ZZEF1: variants seen among roughly 807,000 people sequenced by gnomAD.
The protein encoded by ZZEF1 is zinc finger ZZ-type and EF-hand domain containing 1, also known as zinc finger ZZ-type and EF-hand domain-containing protein 1.
ZZEF1 carries 157 observed loss-of-function variants against 342.8 expected under a neutral mutation model. That is an observed-to-expected ratio of 0.46 (90% CI 0.40 to 0.52). The LOEUF (loss-of-function observed/expected upper bound fraction) is 0.52. Among genes scored for constraint, ZZEF1 ranks in the 20% least tolerant of loss-of-function variants. The pLI, the probability that ZZEF1 is intolerant of heterozygous loss-of-function variation, is 0.00. For missense variants in ZZEF1, 3,480 were observed against 3,725.6 expected, an observed-to-expected ratio of 0.93 and a Z score of 1.72; for synonymous variants, 1,505 against 1,429.1, an observed-to-expected ratio of 1.05 and a Z score of -1.20.
chr17:4,128,162 A>G (rs965779347), intron 1 of ZZEF1, among the ~76,000 whole-genome samples: 4 of 152,088 alleles, frequency 2.6e-5, no homozygotes, highest in African/African-American at 9.7e-5. Flanking sequence ...CCTGCCCAAC[A>G]TGGTGAAACC....
At chr17:4,041,445 C>A (rs966173630) in intron 39 of ZZEF1, among the ~76,000 whole-genome samples, 6 of 152,076 alleles carry the variant, frequency 3.9e-5, no homozygotes, top group African/African-American at 1.2e-4. Flanking sequence ...TCCTTGGACT[C>A]AAAAATCTGA....
intron 5 of ZZEF1, among the ~76,000 whole-genome samples, chr17:4,110,351 T>C (rs1436337849): frequency 1.3e-5 from 2 of 152,242 alleles, no homozygotes; most frequent in East Asian, 3.9e-4. Flanking sequence ...CTTATTTGGG[T>C]CAGAGGAGAG....
rs1282890773 is a variant in ZZEF1, at chr17:4,034,269, G to A, written c.6330C>T (p.Asp2110=). 1 of 1,614,056 alleles carries A rather than the reference G, an allele frequency of 6.2e-7. No homozygotes were observed. Among genetic ancestry groups the A allele is most frequent in the Non-Finnish European group, 8.5e-7 (1 of 1,180,024 alleles). Residue 2110 remains aspartate, a synonymous_variant, in exon 40 of 55, where the codon GAC becomes GAT. Coordinates refer to ENST00000381638, the MANE Select transcript of ZZEF1 (RefSeq NM_015113.4). ...LKSGPTVPLI[D]LEHVLPLMFQ... is the part of the protein sequence containing the mutation. ...ACATGAGTGGAAGGACGTGCTCCAG[G>A]TCTATCAGGGGAACCGTGGGGCCCT...
Position 4,032,938 on chromosome 17 carries a change from G to A in ZZEF1, c.6649C>T (p.Leu2217=). 1 of 1,611,702 alleles carries A rather than the reference G, an allele frequency of 6.2e-7. No individual in the cohort carries two copies. Among genetic ancestry groups the A allele is most frequent in the Non-Finnish European group, 8.5e-7 (1 of 1,178,902 alleles). ...EILRSLNSAP[L]WRDVIATFTD... ...AAGGTGGCAATGACATCACGCCACA[G>A]TGGGGCACTGTTGAGTGACCGCAGG... Residue 2217 remains leucine (L), a synonymous_variant, in exon 41 of 55, where the codon CTG becomes TTG. Transcript: ENST00000381638.
intron 12 of ZZEF1, 58 bp downstream of exon 12, chr17:4,090,661 T>C: frequency 7.2e-7 from 1 of 1,386,018 alleles, no homozygotes; most frequent in Admixed American, 1.7e-5. Flanking sequence ...ACACAATCAC[T>C]ACTCAAAAAA....
At chr17:4,086,441 G>A (rs181351344) in intron 15 of ZZEF1, 45 bp downstream of exon 15, 10 of 1,600,282 alleles carry the variant, frequency 6.2e-6, no homozygotes, top group Admixed American at 3.4e-5. Flanking sequence ...GGCCCTTCAC[G>A]CTACCTACAC....
chr17:4,078,104 G>T, intron 18 of ZZEF1, 62 bp from the exon 19 acceptor site: 1 of 1,539,926 alleles, frequency 6.5e-7, no homozygotes. Context: ...GCATAGCCAA[G>T]GGCATCCTCT....
chr17:4,134,759 T>C (rs1237652025), intron 1 of ZZEF1, among the ~76,000 whole-genome samples: 2 of 152,008 alleles, frequency 1.3e-5, no homozygotes, highest in East Asian at 3.9e-4. Flanking sequence ...AATTAACCAC[T>C]ATACCATGGG....
chr17:4,082,540 C>G (rs768561258), intron 16 of ZZEF1, 36 bp from the exon 17 acceptor site: 10 of 1,598,192 alleles, frequency 6.3e-6, no homozygotes, highest in Non-Finnish European at 7.7e-6. Flanking sequence ...TTCAGAAAAT[C>G]TAGTCCATGA....
chr17:4,036,778 C>CAT (rs2056674629), intron 39 of ZZEF1, among the ~76,000 whole-genome samples: 1 of 78,412 alleles, frequency 1.3e-5, no homozygotes, highest in African/African-American at 5.2e-5. Flanking sequence ...ATATAGAATA[C>CAT]ACACACACAC....
At chr17:4,007,756 G>A (rs760032569) in intron 54 of ZZEF1, among the ~76,000 whole-genome samples, 1 of 152,182 alleles carries the variant, frequency 6.6e-6, no homozygotes, top group Non-Finnish European at 1.5e-5. Flanking sequence ...GGTATGGGCT[G>A]GGGGCATTTC....
chr17:4,066,346 C>A (rs527490711), intron 28 of ZZEF1, 101 bp downstream of exon 28: 6 of 1,000,290 alleles, frequency 6.0e-6, no homozygotes, highest in Non-Finnish European at 9.4e-6. Flanking sequence ...TAGGTCAACA[C>A]AGCCTCAATT....
Position 4,028,205 on chromosome 17 carries a change from A to G in ZZEF1, c.6893-3087T>C, listed in dbSNP as rs140365957. Among the ~76,000 whole-genome samples, 41 of 152,256 alleles carry G rather than the reference A, an allele frequency of 2.7e-4. 1 individual carries two copies. The East Asian group carries it at 5.6e-3, about 21-fold the overall frequency. On this transcript the variant is annotated intron_variant, in intron 42 of 54. Transcript: ENST00000381638. ...CATTCTTTGTGCTGTTACACATTTT[A>G]CTTCTATATGACATAAATCTCACAA...
At chr17:4,132,703 G>A (rs1436818255) in intron 1 of ZZEF1, among the ~76,000 whole-genome samples, 3 of 116,064 alleles carry the variant, frequency 2.6e-5, no homozygotes, top group South Asian at 3.4e-4. Flanking sequence ...GTGGTGGCGG[G>A]CGCCTGTAAT....
At chr17:4,009,501 T>G (rs755775457) in intron 53 of ZZEF1, 103 bp downstream of exon 53, 1 of 1,526,110 alleles carries the variant, frequency 6.6e-7, no homozygotes, top group Admixed American at 1.7e-5. Flanking sequence ...GTCGAGACCC[T>G]GGCCACTCAG....
chr17:4,093,896 T>C (rs1251248426), intron 11 of ZZEF1, among the ~76,000 whole-genome samples: 1 of 152,132 alleles, frequency 6.6e-6, no homozygotes, highest in Non-Finnish European at 1.5e-5. Context: ...ATCCGACAGA[T>C]CCACTTTTAG....
In ZZEF1 at chr17:4,096,655, G is replaced by GA; in HGVS notation, c.1717dup (p.Ser573PhefsTer5). On this transcript the variant is annotated frameshift_variant, in exon 10 of 55. Coordinates refer to ENST00000381638, the MANE Select transcript of ZZEF1 (RefSeq NM_015113.4). LOFTEE classifies it high-confidence loss of function. ...TTGGAAGGCAGATTCAGTTCCGGTA[G>GA]AAAAAATAGTGCTGGCTCTGGTTTT... is the stretch of plus-strand genomic sequence containing the variant. 1 of 1,614,082 alleles carries GA rather than the reference G, an allele frequency of 6.2e-7. No individual in the cohort carries two copies. The highest frequency in any genetic ancestry group is 8.5e-7 in the Non-Finnish European group (1 of 1,180,004).
At chr17:4,039,696 T>G (rs1444445644) in intron 39 of ZZEF1, among the ~76,000 whole-genome samples, 9 of 140,258 alleles carry the variant, frequency 6.4e-5, no homozygotes, top group African/African-American at 2.5e-4. Flanking sequence ...CAGGCTGGAG[T>G]GCAGTGGCAC....
At chr17:4,036,817 A>ACACACACACACT (rs754105162) in intron 39 of ZZEF1, among the ~76,000 whole-genome samples, 9 of 72,618 alleles carry the variant, frequency 1.2e-4, no homozygotes, top group Non-Finnish European at 1.8e-4. Flanking sequence ...ACACACACAC[A>ACACACACACACT]CTCTCTCTCT....
Sources: allele counts gnomAD v4.1 joint callset (sites outside exome capture counted in the v4.1 genomes callset), GRCh38; gene constraint gnomAD v4.1.1; transcripts MANE v1.5; gene names NCBI Gene and HGNC (gene_info 2026-07-23, HGNC 2026-07-21).